SHE: variants seen among roughly 807,000 people sequenced by gnomAD.
SHE encodes the protein Src homology 2 domain containing E, also known as SH2 domain-containing adapter protein E.
Under a neutral mutation model 49.8 loss-of-function variants are expected in SHE, and 11 were observed. The observed-to-expected ratio is 0.22, with a 90% CI of 0.14 to 0.37. SHE has a LOEUF of 0.37. SHE is among the 10% of genes least tolerant of loss of function. The pLI is 1.00. For synonymous variants in SHE, 310 were observed against 278.1 expected, an observed-to-expected ratio of 1.11 and a Z score of -1.14; for missense variants, 624 against 655.5, an observed-to-expected ratio of 0.95 and a Z score of 0.52.
At chr1:154,497,422 T>A (rs1692565618) in intron 2 of SHE, among the ~76,000 whole-genome samples, 1 of 152,244 alleles carries the variant, frequency 6.6e-6, no homozygotes, top group African/African-American at 2.4e-5. Flanking sequence ...ACATTTCTCA[T>A]TATGGATGGA....
Position 154,482,474 on chromosome 1 carries a change from T to A in SHE, c.*1675A>T. ...CTTACAGTCAAATGTAACTAGTAAC[T>A]ACAAAGGTATACTTTCCTAAAAAAT... On this transcript the variant is annotated 3_prime_UTR_variant, in exon 6 of 6. Transcript: ENST00000304760. 1 of 985,334 alleles carries A rather than the reference T, an allele frequency of 1.0e-6. No homozygotes were observed. Among genetic ancestry groups the A allele is most frequent in the Non-Finnish European group, 1.2e-6 (1 of 829,852 alleles). 61.0% of individuals were successfully genotyped at this position (985,334 alleles called of 1,614,324 possible). A position where few individuals can be genotyped will look rare whatever the true frequency, so the allele number is the denominator to read the frequency against.
At position 154,489,289 on chromosome 1, in the gene SHE, T is replaced by A; in HGVS notation, c.786A>T (p.Glu262Asp). ...CTGATTTCAGGCCACCGTCTGCGGG[T>A]TCACAGGGACTGTCAAGCAGCTGGA... ...KALQLLDSPCEPADGGLKSET... is the reference protein window; with the variant it reads ...KALQLLDSPCDPADGGLKSET... Residue 262 changes from glutamate to aspartate, a missense_variant, in exon 3 of 6, where the codon GAA (glutamate) becomes GAT (aspartate). Physicochemically the swap from Glu to Asp is conservative, Grantham distance 45. Transcript: ENST00000304760. The A allele has an allele frequency of 6.2e-7, 1 of 1,614,226 alleles. No individual in the cohort carries two copies. The highest frequency in any genetic ancestry group is 8.5e-7 in the Non-Finnish European group (1 of 1,180,030).
rs1006401676 is a variant in SHE at position 154,486,072 on chromosome 1, G to A, written c.1182-10C>T. 1 of 1,608,954 alleles carries A rather than the reference G, an allele frequency of 6.2e-7. No homozygotes were observed. The highest frequency in any genetic ancestry group is 8.5e-7 in the Non-Finnish European group (1 of 1,175,752). ...GGCACCATGATACCAGCTGAAAAATGGGGGTGGAAGAGGGGAAAGCACCAT... is the reference window on the plus strand; with the variant it reads ...GGCACCATGATACCAGCTGAAAAATAGGGGTGGAAGAGGGGAAAGCACCAT... On this transcript the variant is annotated splice_polypyrimidine_tract_variant and intron_variant, in intron 4 of 5. Coordinates refer to ENST00000304760, the MANE Select transcript of SHE (RefSeq NM_001010846.3).
intron 5 of SHE, 113 bp downstream of exon 5, chr1:154,485,830 T>G: frequency 7.7e-7 from 1 of 1,294,940 alleles, no homozygotes; most frequent in Non-Finnish European, 1.1e-6. Context: ...CCTCTTATTT[T>G]CTGCAATGCA....
chr1:154,481,216 T>A lies in SHE; in HGVS notation c.*2933A>T, dbSNP rs958641825. The stretch of plus-strand genomic sequence containing the variant: ...TGTTTTTAGAACATATGGAACTTTG[T>A]GCCACCACACAGCTGTGAACTCCCT... On this transcript the variant is annotated 3_prime_UTR_variant, in exon 6 of 6. Transcript: ENST00000304760. The A allele has an allele frequency of 2.0e-6, 2 of 985,342 alleles. No homozygotes were observed. The highest frequency in any genetic ancestry group is 3.5e-5 in the African/African-American group (2 of 57,250). The allele number at this position is 985,342 out of a possible 1,614,324, so 61.0% of individuals were successfully genotyped here.
chr1:154,494,307 C>T (rs12096404), intron 2 of SHE, among the ~76,000 whole-genome samples: 1 of 150,990 alleles, frequency 6.6e-6, no homozygotes, highest in Admixed American at 6.6e-5. Context: ...CAAAACCAGT[C>T]TTCATTTGCA....
Position 154,502,134 on chromosome 1 carries a change from C to A in SHE, c.-108G>T. The A allele has an allele frequency of 1.1e-6, 1 of 934,498 alleles. No individual in the cohort carries two copies. Among genetic ancestry groups the A allele is most frequent in the Non-Finnish European group, 1.4e-6 (1 of 729,808 alleles). 57.9% of individuals were successfully genotyped at this position (934,498 alleles called of 1,614,324 possible). ...CCGGCAGGGTGGGGTTCTCACGGCT[C>A]GGGGCGCCGAGCGGGCGGGCGCTAG... is the stretch of plus-strand genomic sequence containing the variant. On this transcript the variant is annotated 5_prime_UTR_variant, in exon 1 of 6. Transcript: ENST00000304760.
At chr1:154,492,568 C>T (rs550921744) in intron 2 of SHE, among the ~76,000 whole-genome samples, 13 of 152,300 alleles carry the variant, frequency 8.5e-5, no homozygotes, top group Admixed American at 5.2e-4. Flanking sequence ...CTCCTGAGTC[C>T]CTGGACTCTC....
At position 154,483,576 on chromosome 1, in the gene SHE, AT is replaced by A; in HGVS notation, c.*572del. 1.0e-6 allele frequency: 1 copy of A among 985,622 alleles called. No homozygotes were observed. Among genetic ancestry groups the A allele is most frequent in the Non-Finnish European group, 1.2e-6 (1 of 830,098 alleles). 61.1% of individuals were successfully genotyped at this position (985,622 alleles called of 1,614,324 possible). On this transcript the variant is annotated 3_prime_UTR_variant, in exon 6 of 6. Transcript: ENST00000304760. ...ACTTAACCTTCCTGAGGGTCACACC[AT>A]AAAAAGAACACCCTACCCCAGAGCT...
intron 2 of SHE, 81 bp from the exon 3 acceptor site, chr1:154,489,437 T>C: frequency 2.7e-6 from 4 of 1,500,750 alleles, no homozygotes; most frequent in Non-Finnish European, 3.6e-6. Flanking sequence ...AGCCTGGTCA[T>C]TAACCCAACT....
chr1:154,487,333 T>C (rs1479883695), intron 3 of SHE, among the ~76,000 whole-genome samples: 3 of 149,218 alleles, frequency 2.0e-5, no homozygotes, highest in East Asian at 2.0e-4. Context: ...AGATTAAACA[T>C]AGTTACAGGT....
In SHE at chr1:154,480,913, AT is replaced by A. The variant is rs955480037; in HGVS notation, c.*3235del. 9.1e-6 allele frequency: 9 copies of A among 985,044 alleles called. No individual in the cohort carries two copies. The highest frequency in any genetic ancestry group is 1.1e-5 in the Non-Finnish European group (9 of 829,816). 61.0% of individuals were successfully genotyped at this position (985,044 alleles called of 1,614,324 possible). On this transcript the variant is annotated 3_prime_UTR_variant, in exon 6 of 6. Coordinates refer to ENST00000304760, the MANE Select transcript of SHE (RefSeq NM_001010846.3). ...ACTTGTCCAGTCATCGCAAGCAAGTATTTTTTTTAAAGAAGGTGTGATCAAG... is the reference window on the plus strand; with the variant it reads ...ACTTGTCCAGTCATCGCAAGCAAGTATTTTTTTAAAGAAGGTGTGATCAAG...
At chr1:154,490,195 T>C (rs768125038) in intron 2 of SHE, among the ~76,000 whole-genome samples, 11 of 152,190 alleles carry the variant, frequency 7.2e-5, no homozygotes, top group Non-Finnish European at 1.5e-5. Flanking sequence ...ACGAATAATA[T>C]GTATTGGGCT....
At chr1:154,494,880 C>T (rs750210489) in intron 2 of SHE, among the ~76,000 whole-genome samples, 4 of 152,036 alleles carry the variant, frequency 2.6e-5, no homozygotes, top group South Asian at 2.1e-4. Flanking sequence ...GGTGAAACCC[C>T]GTCTCTACTA....
chr1:154,491,674 A>C (rs1692369754), intron 2 of SHE, among the ~76,000 whole-genome samples: 1 of 152,226 alleles, frequency 6.6e-6, no homozygotes, highest in Non-Finnish European at 1.5e-5. Flanking sequence ...CATTGTGCTA[A>C]ATAATGACTG....
chr1:154,496,049 TAAAAAAC>T (rs1479651421), intron 2 of SHE, among the ~76,000 whole-genome samples: 1 of 152,154 alleles, frequency 6.6e-6, no homozygotes, highest in African/African-American at 2.4e-5. Flanking sequence ...GTAAAAGGTT[TAAAAAAC>T]AAAAAACAAA....
At position 154,502,001 on chromosome 1, in the gene SHE, G is replaced by T. The variant is rs1692794126; in HGVS notation, c.26C>A (p.Ala9Asp). 1 of 1,390,152 alleles carries T rather than the reference G, an allele frequency of 7.2e-7. No individual in the cohort carries two copies. Among genetic ancestry groups the T allele is most frequent in the Admixed American group, 3.5e-5 (1 of 28,310 alleles). The allele number at this position is 1,390,152 out of a possible 1,614,324, so 86.1% of individuals were successfully genotyped here. A position where few individuals can be genotyped will look rare whatever the true frequency, so the allele number is the denominator to read the frequency against. The part of the protein sequence containing the change: MQWSPTPG[A>D]SACLGWASSL... The stretch of plus-strand genomic sequence containing the variant: ...GGAAGCCCAGCCCAGACACGCAGAG[G>T]CGCCAGGGGTCGGGGACCACTGCAT... Residue 9 changes from alanine to aspartate, a missense_variant, in exon 1 of 6, where the codon GCC (alanine) becomes GAC (aspartate). This residue lies in a region of SHE where 337 missense variants were observed against 306.0 expected (regional missense o/e 1.10). Coordinates refer to ENST00000304760, the MANE Select transcript of SHE (RefSeq NM_001010846.3).
chr1:154,473,400 AG>A (rs1691798341), intron 1 of SHE, among the ~76,000 whole-genome samples: 3 of 151,940 alleles, frequency 2.0e-5, no homozygotes, highest in Admixed American at 2.0e-4. Context: ...CCTTTAGCCC[AG>A]GAGTTGGAGG....
At chr1:154,472,130 CAA>C (rs57013173) in intron 1 of SHE, among the ~76,000 whole-genome samples, 110,044 of 150,466 alleles carry the variant, frequency 0.73, 40,804 homozygotes, top group East Asian at 0.83. Context: ...CACTCTGTCT[CAA>C]AAAAAAAAAA....
Sources: allele counts gnomAD v4.1 joint callset (sites outside exome capture counted in the v4.1 genomes callset), GRCh38; gene constraint gnomAD v4.1.1; regional missense constraint gnomAD v4.1.1; transcripts MANE v1.5; gene names NCBI Gene and HGNC (gene_info 2026-07-23, HGNC 2026-07-21).